Variants in DOCK9 observed in about 807,000 individuals in gnomAD.
The protein encoded by DOCK9 is dedicator of cytokinesis protein 9.
Under a neutral mutation model 263.3 loss-of-function variants are expected in DOCK9, and 89 were observed. The observed-to-expected ratio is 0.34, with a 90% CI of 0.28 to 0.40. DOCK9 has a LOEUF of 0.40. Among genes scored for constraint, DOCK9 ranks in the 10% least tolerant of loss-of-function variants. The pLI is 1.00. For missense variants in DOCK9, 2,140 were observed against 2,603.4 expected, an observed-to-expected ratio of 0.82 and a Z score of 3.87; for synonymous variants, 976 against 973.1, an observed-to-expected ratio of 1.00 and a Z score of -0.06.
intron 30 of DOCK9, among the ~76,000 whole-genome samples, chr13:98,866,860 A>T (rs1369899204): frequency 6.6e-6 from 1 of 152,190 alleles, no homozygotes; most frequent in Non-Finnish European, 1.5e-5. Flanking sequence ...AGGAGCAAAA[A>T]ACCGGATGCC....
chr13:99,052,915 T>C (rs1186688446), intron 1 of DOCK9, among the ~76,000 whole-genome samples: 1 of 152,132 alleles, frequency 6.6e-6, no homozygotes, highest in African/African-American at 2.4e-5. Flanking sequence ...AATTTGCAAA[T>C]ATATCCTCCC....
chr13:99,062,776 G>T (rs971005133), intron 1 of DOCK9, among the ~76,000 whole-genome samples: 5 of 152,182 alleles, frequency 3.3e-5, no homozygotes, highest in African/African-American at 1.2e-4. Flanking sequence ...TCCACAGAAG[G>T]CAAGAGAAAC....
chr13:98,810,827 G>C (rs1226107084), intron 45 of DOCK9, among the ~76,000 whole-genome samples: 1 of 152,152 alleles, frequency 6.6e-6, no homozygotes, highest in Non-Finnish European at 1.5e-5. Flanking sequence ...AACTTTGGAG[G>C]AAGTTAACAC....
At chr13:99,057,330 T>A (rs188846737) in intron 1 of DOCK9, among the ~76,000 whole-genome samples, 1 of 152,210 alleles carries the variant, frequency 6.6e-6, no homozygotes, top group African/African-American at 2.4e-5. Flanking sequence ...AGTTGACATA[T>A]TGGGCCTGAA....
chr13:98,916,755 T>G (rs1212763045), intron 7 of DOCK9, among the ~76,000 whole-genome samples: 8 of 152,086 alleles, frequency 5.3e-5, no homozygotes, highest in Non-Finnish European at 1.5e-5. Flanking sequence ...CTCACAATCA[T>G]GAAAAGAGAA....
chr13:98,901,248 A>G (rs1268313961), intron 13 of DOCK9, among the ~76,000 whole-genome samples: 2 of 152,136 alleles, frequency 1.3e-5, no homozygotes, highest in African/African-American at 2.4e-5. Context: ...CAAGTAATGA[A>G]CACTACTTTG....
In DOCK9 at chr13:98,973,004, G is replaced by A. The variant is rs2059893785; in HGVS notation, c.126+4780C>T. On this transcript the variant is annotated intron_variant, in intron 1 of 52. Coordinates refer to ENST00000682017, the MANE Select transcript of DOCK9 (RefSeq NM_001366683.2). ...GAAACACAAAGAGCATTGTAGTGAA[G>A]GTGTATGGCTTTGAATAAATAAAAT... 3.9e-5 allele frequency among the ~76,000 whole-genome samples: 6 copies of A among 152,138 alleles called. No homozygotes were observed. In the South Asian group the frequency reaches 1.2e-3, roughly 32 times the overall value.
chr13:98,942,247 T>TTG (rs2056043072), intron 2 of DOCK9, among the ~76,000 whole-genome samples: 1 of 149,962 alleles, frequency 6.7e-6, no homozygotes, highest in Non-Finnish European at 1.5e-5. Flanking sequence ...TTTTTTTTTT[T>TTG]GTTTTTTTGA....
At position 98,898,266 on chromosome 13, in the gene DOCK9, A is replaced by G. The variant is rs1436555789; in HGVS notation, c.1504-5T>C. ...CTTCAGCACCTTCTGGGCCACCTTG[A>G]AGACATGAGAATAAAGCTATGAGAT... is the stretch of plus-strand genomic sequence containing the variant. On this transcript the variant is annotated splice_polypyrimidine_tract_variant and splice_region_variant and intron_variant, in intron 13 of 52. Coordinates refer to ENST00000682017, the MANE Select transcript of DOCK9 (RefSeq NM_001366683.2). The G allele has an allele frequency of 1.2e-6, 2 of 1,607,670 alleles. No individual in the cohort carries two copies. The highest frequency in any genetic ancestry group is 3.4e-5 in the Admixed American group (2 of 59,540).
At chr13:98,883,252 T>C in intron 22 of DOCK9, 121 bp from the exon 23 acceptor site, 7 of 936,982 alleles carry the variant, frequency 7.5e-6, no homozygotes, top group Middle Eastern at 2.7e-4. Context: ...GTTGTTGTTG[T>C]TGCTGTTTTT....
At chr13:99,070,330 G>A (rs928498551) in intron 1 of DOCK9, among the ~76,000 whole-genome samples, 3 of 150,602 alleles carry the variant, frequency 2.0e-5, no homozygotes, top group Non-Finnish European at 4.4e-5. Context: ...CACTTAAACA[G>A]CTGGGAAATC....
chr13:99,025,268 A>G (rs1282961829), intron 1 of DOCK9: 1 of 152,242 alleles, frequency 6.6e-6, no homozygotes, highest in Non-Finnish European at 1.5e-5. Context: ...CTATTATAAA[A>G]TTGGAATGAT....
At chr13:98,961,761 C>T (rs1484971796) in intron 1 of DOCK9, among the ~76,000 whole-genome samples, 1 of 152,212 alleles carries the variant, frequency 6.6e-6, no homozygotes, top group Non-Finnish European at 1.5e-5. Flanking sequence ...GCTAAAAGAG[C>T]TTGCCAGTGG....
intron 15 of DOCK9, among the ~76,000 whole-genome samples, chr13:98,896,419 A>C (rs1347976339): frequency 6.6e-6 from 1 of 151,924 alleles, no homozygotes; most frequent in African/African-American, 2.4e-5. Flanking sequence ...AGGTAAAATA[A>C]GGTTAAAGAA....
chr13:98,887,143 A>ATATATATATAT (rs1470080750), intron 18 of DOCK9, among the ~76,000 whole-genome samples: 3 of 95,264 alleles, frequency 3.1e-5, no homozygotes, highest in African/African-American at 1.3e-4. Context: ...ATATATATAT[A>ATATATATATAT]TTTTTTTTTT....
intron 1 of DOCK9, among the ~76,000 whole-genome samples, chr13:99,005,620 G>A (rs1255276945): frequency 6.6e-6 from 1 of 152,164 alleles, no homozygotes; most frequent in Admixed American, 6.5e-5. Context: ...AAATGGGTAG[G>A]AAATTGAATT....
rs763443482 is a variant in DOCK9, at chr13:98,902,399, T to G, written c.1269A>C (p.Ser423=). 20 of 1,614,046 alleles carry G rather than the reference T, an allele frequency of 1.2e-5. No homozygotes were observed. In the South Asian group the frequency reaches 2.0e-4, roughly 16 times the overall value. ...ADFHVDLNHF[S]VRQMLATTSP... ...ACGTGGTGGCGAGCATTTGCCTCAC[T>G]GAGAAATGGTTCAGGTCTACGTGGA... The change falls in exon 12 of 53, where the codon TCA becomes TCC. Residue 423 remains serine (S), a synonymous_variant. Transcript: ENST00000682017.
intron 1 of DOCK9, among the ~76,000 whole-genome samples, chr13:98,997,942 T>C (rs1881422452): frequency 6.6e-6 from 1 of 152,192 alleles, no homozygotes; most frequent in Non-Finnish European, 1.5e-5. Context: ...GTCCCCAGGA[T>C]CATCTCTGTA....
At chr13:99,075,571 G>C (rs1051692733) in intron 1 of DOCK9, among the ~76,000 whole-genome samples, 4 of 151,152 alleles carry the variant, frequency 2.6e-5, no homozygotes, top group African/African-American at 9.7e-5. Context: ...TCACTTTGTT[G>C]CCCAGGCTGG....
Sources: gnomAD v4.1 joint callset for allele counts (sites outside exome capture counted in the v4.1 genomes callset) on GRCh38, gnomAD v4.1.1 for gene constraint, MANE v1.5 for transcripts, NCBI Gene and HGNC (gene_info 2026-07-23, HGNC 2026-07-21) for gene names.